PTPRR: variants seen among roughly 807,000 people sequenced by gnomAD.
The protein encoded by PTPRR is protein tyrosine phosphatase receptor type R, also known as receptor-type tyrosine-protein phosphatase R.
PTPRR carries 38 observed loss-of-function variants against 77.2 expected under a neutral mutation model. The observed-to-expected ratio is 0.49, with a 90% confidence interval of 0.38 to 0.65. The LOEUF (loss-of-function observed/expected upper bound fraction) is 0.65, where lower values mean the gene tolerates loss of function less well. Among genes scored for constraint, PTPRR ranks in the 30% least tolerant of loss-of-function variants. The pLI is 0.00. For synonymous variants in PTPRR, 299 were observed against 283.1 expected (o/e 1.06, Z -0.57); for missense variants, 744 against 799.2 (o/e 0.93, Z 0.83).
At chr12:70,763,423 G>T (rs1324163030) in intron 3 of PTPRR, among the ~76,000 whole-genome samples, 6 of 152,006 alleles carry the variant, frequency 3.9e-5, no homozygotes, top group Non-Finnish European at 8.8e-5. Flanking sequence ...TGAGCCACCG[G>T]GTAACCTTCA....
chr12:70,771,051 G>T (rs944694582), intron 2 of PTPRR, among the ~76,000 whole-genome samples: 2 of 151,508 alleles, frequency 1.3e-5, no homozygotes, highest in Admixed American at 1.3e-4. Context: ...TATACCTAAT[G>T]CTAAATGACG....
At chr12:70,754,095 C>A in intron 5 of PTPRR, 96 bp downstream of exon 5, 4 of 1,165,448 alleles carry the variant, frequency 3.4e-6, no homozygotes, top group Non-Finnish European at 4.8e-6. Context: ...TCCTTCTGCT[C>A]GGAAGCATTT....
At chr12:70,641,444 A>G (rs776113372) in intron 13 of PTPRR, among the ~76,000 whole-genome samples, 18 of 152,174 alleles carry the variant, frequency 1.2e-4, no homozygotes, top group Non-Finnish European at 2.2e-4. Context: ...TAACTGTTTC[A>G]CCCTAAGTGG....
At chr12:70,908,150 CTGTTT>C (rs1447614745) in intron 1 of PTPRR, among the ~76,000 whole-genome samples, 5 of 152,118 alleles carry the variant, frequency 3.3e-5, no homozygotes, top group African/African-American at 9.7e-5. Flanking sequence ...AAAAAAGTGT[CTGTTT>C]TAAGAATAAT....
intron 2 of PTPRR, among the ~76,000 whole-genome samples, chr12:70,877,137 G>A (rs1013386950): frequency 2.0e-5 from 3 of 152,174 alleles, no homozygotes; most frequent in African/African-American, 7.2e-5. Flanking sequence ...AGGCAGGGAA[G>A]ATGAGGTAAC....
chr12:70,744,998 G>A (rs556921911), intron 6 of PTPRR, among the ~76,000 whole-genome samples: 1 of 152,284 alleles, frequency 6.6e-6, no homozygotes, highest in East Asian at 1.9e-4. Flanking sequence ...TAATGGAAAT[G>A]TATTGGTATA....
intron 2 of PTPRR, among the ~76,000 whole-genome samples, chr12:70,877,473 G>A (rs1209571753): frequency 6.6e-6 from 1 of 152,042 alleles, no homozygotes; most frequent in Non-Finnish European, 1.5e-5. Context: ...GAGGTATCCA[G>A]GTCAGGTATT....
chr12:70,711,931 A>T (rs1888841479), intron 6 of PTPRR, among the ~76,000 whole-genome samples: 1 of 152,090 alleles, frequency 6.6e-6, no homozygotes, highest in African/African-American at 2.4e-5. Context: ...TTACCCAAGA[A>T]CAGTAAGTTA....
chr12:70,754,157 G>GCAAAGGATAAAATATA, intron 5 of PTPRR, 34 bp downstream of exon 5: 1 of 1,598,358 alleles, frequency 6.3e-7, no homozygotes, highest in Non-Finnish European at 8.5e-7. Context: ...AGTGGGCTGA[G>GCAAAGGATAAAATATA]CAAAGGATAA....
At chr12:70,887,868 A>G (rs1387299301) in intron 2 of PTPRR, among the ~76,000 whole-genome samples, 1 of 152,162 alleles carries the variant, frequency 6.6e-6, no homozygotes, top group Non-Finnish European at 1.5e-5. Flanking sequence ...GAATGCATTG[A>G]TTCCTAGGAT....
intron 2 of PTPRR, among the ~76,000 whole-genome samples, chr12:70,867,869 C>A (rs1892885068): frequency 2.0e-5 from 3 of 152,118 alleles, no homozygotes; most frequent in Non-Finnish European, 2.9e-5. Flanking sequence ...ACAGAGCCCT[C>A]AGAAATAATG....
intron 10 of PTPRR, among the ~76,000 whole-genome samples, chr12:70,669,774 T>G (rs12580866): frequency 0.06 from 9,193 of 152,078 alleles, 442 homozygotes; most frequent in Admixed American, 0.15. Flanking sequence ...AAAAAAAAAT[T>G]TCATTTGTAG....
At chr12:70,916,138 T>C (rs1359827389) in intron 1 of PTPRR, among the ~76,000 whole-genome samples, 1 of 152,074 alleles carries the variant, frequency 6.6e-6, no homozygotes, top group Non-Finnish European at 1.5e-5. Context: ...AGAATTTTTA[T>C]CTGGGTGATG....
At chr12:70,882,533 A>G (rs757313175) in intron 2 of PTPRR, among the ~76,000 whole-genome samples, 63 of 152,216 alleles carry the variant, frequency 4.1e-4, no homozygotes, top group Non-Finnish European at 7.2e-4. Context: ...GCAAGACGCA[A>G]GAGTTTGCCT....
chr12:70,809,464 C>A (rs1488387453), intron 2 of PTPRR, among the ~76,000 whole-genome samples: 2 of 152,164 alleles, frequency 1.3e-5, no homozygotes, highest in Non-Finnish European at 2.9e-5. Flanking sequence ...TAAATGTAAT[C>A]TACTTGCCCA....
chr12:70,901,771 T>G (rs1165971826), intron 1 of PTPRR, among the ~76,000 whole-genome samples: 1 of 151,636 alleles, frequency 6.6e-6, no homozygotes, highest in Admixed American at 6.6e-5. Flanking sequence ...AATCATTAAT[T>G]TAATTATTAA....
chr12:70,865,723 T>A (rs1892832546), intron 2 of PTPRR, among the ~76,000 whole-genome samples: 1 of 152,178 alleles, frequency 6.6e-6, no homozygotes, highest in Non-Finnish European at 1.5e-5. Flanking sequence ...AGATGTATGT[T>A]AATGCTTTGT....
At chr12:70,750,997 C>T (rs1336249175) in intron 5 of PTPRR, among the ~76,000 whole-genome samples, 1 of 151,796 alleles carries the variant, frequency 6.6e-6, no homozygotes, top group Non-Finnish European at 1.5e-5. Flanking sequence ...GCCTCTGCCT[C>T]CCAAGTGCAG....
At chr12:70,701,113 G>C (rs1268146801) in intron 7 of PTPRR, 24 bp downstream of exon 7, 2 of 1,612,720 alleles carry the variant, frequency 1.2e-6, no homozygotes, top group South Asian at 1.1e-5. Context: ...CGACTGAAGA[G>C]TGAACAATAA....
Sources: allele counts gnomAD v4.1 joint callset (sites outside exome capture counted in the v4.1 genomes callset), GRCh38; gene constraint gnomAD v4.1.1; transcripts MANE v1.5; gene names NCBI Gene and HGNC (gene_info 2026-07-23, HGNC 2026-07-21).